The following CHCHD3 variants were observed in gnomAD, a reference collection of about 807,000 sequenced individuals.
The protein encoded by CHCHD3 is MICOS complex subunit MIC19.
A neutral mutation model predicts 38.2 loss-of-function variants in CHCHD3; 20 were observed. The observed-to-expected ratio is 0.52, with a 90% confidence interval of 0.37 to 0.76. CHCHD3 has a LOEUF of 0.76. Among genes scored for constraint, CHCHD3 ranks in the 30% least tolerant of loss-of-function variants. CHCHD3 has a pLI of 0.00. For synonymous variants in CHCHD3, 82 were observed against 100.0 expected, an observed-to-expected ratio of 0.82 and a Z score of 1.07; for missense variants, 245 against 279.2, an observed-to-expected ratio of 0.88 and a Z score of 0.87.
At chr7:132,886,629 T>C (rs1366238988) in intron 4 of CHCHD3, among the ~76,000 whole-genome samples, 2 of 151,430 alleles carry the variant, frequency 1.3e-5, no homozygotes, top group Non-Finnish European at 3.0e-5. Flanking sequence ...AAAGTGTGTG[T>C]GTGTATATAT....
intron 5 of CHCHD3, among the ~76,000 whole-genome samples, chr7:132,857,026 A>G (rs1808357481): frequency 6.6e-6 from 1 of 152,186 alleles, no homozygotes; most frequent in Non-Finnish European, 1.5e-5. Context: ...GAGGAGCTGC[A>G]ATGTTATTTC....
At chr7:132,975,547 GTTC>G (rs766040183) in intron 3 of CHCHD3, among the ~76,000 whole-genome samples, 4 of 152,112 alleles carry the variant, frequency 2.6e-5, no homozygotes, top group Non-Finnish European at 5.9e-5. Flanking sequence ...GTTTTACAAA[GTTC>G]TTCTTATGTA....
intron 4 of CHCHD3, among the ~76,000 whole-genome samples, chr7:132,928,390 G>C (rs919029561): frequency 6.6e-6 from 1 of 152,198 alleles, no homozygotes; most frequent in Admixed American, 6.5e-5. Flanking sequence ...GGCTGTCTTA[G>C]CCTCCTACTC....
intron 3 of CHCHD3, among the ~76,000 whole-genome samples, chr7:133,002,372 A>C (rs1812597249): frequency 6.6e-6 from 1 of 152,148 alleles, no homozygotes. Flanking sequence ...CAGATTACTA[A>C]GAGACAAAGC....
intron 1 of CHCHD3, 47 bp downstream of exon 1, chr7:133,081,810 G>A (rs752485714): frequency 7.8e-6 from 12 of 1,537,442 alleles, no homozygotes; most frequent in South Asian, 6.0e-5. Context: ...TGGGGCCTTG[G>A]GGTCCGAGTC....
chr7:132,842,395 G>A (rs953641949), intron 5 of CHCHD3, among the ~76,000 whole-genome samples: 2 of 152,058 alleles, frequency 1.3e-5, no homozygotes, highest in Non-Finnish European at 2.9e-5. Context: ...CCTTCACCTA[G>A]GTTCCCCTTA....
chr7:132,838,880 A>T (rs947569219), intron 5 of CHCHD3, among the ~76,000 whole-genome samples: 8 of 152,170 alleles, frequency 5.3e-5, no homozygotes, highest in South Asian at 2.1e-4. Context: ...GATATTAAAG[A>T]TCATTTCTTT....
At chr7:132,882,461 CTATATATATATATATATATATA>C (rs71178065) in intron 5 of CHCHD3, among the ~76,000 whole-genome samples, 12 of 135,000 alleles carry the variant, frequency 8.9e-5, no homozygotes, top group Non-Finnish European at 9.7e-5. Context: ...ACAATATATT[CTATATATATATATATATATATA>C]TATATATATA....
At chr7:132,929,320 G>A (rs1810461956) in intron 4 of CHCHD3, among the ~76,000 whole-genome samples, 1 of 151,564 alleles carries the variant, frequency 6.6e-6, no homozygotes, top group Non-Finnish European at 1.5e-5. Flanking sequence ...TCTCTCTTTT[G>A]TTGGCTGCTT....
At chr7:132,988,310 C>T (rs1005582063) in intron 3 of CHCHD3, among the ~76,000 whole-genome samples, 14 of 151,786 alleles carry the variant, frequency 9.2e-5, no homozygotes, top group African/African-American at 3.1e-4. Context: ...CCCACACACA[C>T]ACACACCCAC....
chr7:133,074,684 GA>G (rs1476099304), intron 1 of CHCHD3, among the ~76,000 whole-genome samples: 1 of 151,724 alleles, frequency 6.6e-6, no homozygotes, highest in African/African-American at 2.4e-5. Context: ...TCTTAAAGAG[GA>G]AAAAATAAGC....
At position 132,839,561 on chromosome 7, in the gene CHCHD3, C is replaced by A. The variant is rs115861940; in HGVS notation, c.454-1092G>T. On this transcript the variant is annotated intron_variant, in intron 5 of 7. Coordinates refer to ENST00000262570, the MANE Select transcript of CHCHD3 (RefSeq NM_017812.4). Reference sequence around the variant, plus strand: ...CAAAACACCACCACAATACGGTAGTCTATTGTGTACCTTTCATTCTCTAAT... The same window carrying A: ...CAAAACACCACCACAATACGGTAGTATATTGTGTACCTTTCATTCTCTAAT... Among the ~76,000 whole-genome samples, 1,278 of 152,330 alleles carry A rather than the reference C, an allele frequency of 8.4e-3. 18 individuals carry two copies. Among genetic ancestry groups the A allele is most frequent in the African/African-American group, 0.029 (1,218 of 41,580 alleles).
intron 2 of CHCHD3, among the ~76,000 whole-genome samples, chr7:133,046,720 A>G (rs1813997799): frequency 6.6e-6 from 1 of 151,584 alleles, no homozygotes. Flanking sequence ...CCGCCACCAC[A>G]CCCGGCTAAT....
At chr7:132,995,866 A>G (rs76783759) in intron 3 of CHCHD3, among the ~76,000 whole-genome samples, 2,640 of 152,318 alleles carry the variant, frequency 0.017, 81 homozygotes, top group African/African-American at 0.06. Flanking sequence ...CAATAATATT[A>G]TAATAGCTAC....
chr7:133,011,451 T>A (rs781267664), intron 3 of CHCHD3, among the ~76,000 whole-genome samples: 8 of 152,226 alleles, frequency 5.3e-5, no homozygotes, highest in African/African-American at 1.9e-4. Flanking sequence ...CGGAGCTATA[T>A]CAACATTTTG....
At chr7:132,862,589 TTAAA>T (rs1394524028) in intron 5 of CHCHD3, among the ~76,000 whole-genome samples, 3 of 152,218 alleles carry the variant, frequency 2.0e-5, no homozygotes, top group African/African-American at 7.2e-5. Context: ...TGACAATTTC[TTAAA>T]TAAGACAACA....
intron 1 of CHCHD3, among the ~76,000 whole-genome samples, chr7:133,081,558 G>A (rs1815171291): frequency 1.3e-5 from 2 of 152,152 alleles, no homozygotes; most frequent in African/African-American, 4.8e-5. Flanking sequence ...TTTCAAATAC[G>A]GTCCTGCAAC....
At position 132,997,655 on chromosome 7, in the gene CHCHD3, G is replaced by T. The variant is rs528095254; in HGVS notation, c.252-22369C>A. Among the ~76,000 whole-genome samples the T allele has an allele frequency of 1.5e-4, 15 of 103,360 alleles. No individual in the cohort carries two copies. In the East Asian group the frequency reaches 4.6e-3, roughly 32 times the overall value. 67.8% of individuals were successfully genotyped at this position (103,360 alleles called of 152,430 possible). ...ATGGCTTCTCACTGTAACTAACAGG[G>T]TTGTAAAAAAAAAAAAAAAAAAAAA... On this transcript the variant is annotated intron_variant, in intron 3 of 7. Transcript: ENST00000262570.
Position 132,972,682 on chromosome 7 carries a change from G to A in CHCHD3, c.369+2487C>T, listed in dbSNP as rs1051311573. ...CAAATGTCTGACAACACTCTGGGAA[G>A]GAAGGGACTCTCTCAATCAGCTGTC... On this transcript the variant is annotated intron_variant, in intron 4 of 7. Coordinates refer to ENST00000262570, the MANE Select transcript of CHCHD3 (RefSeq NM_017812.4). 4.6e-5 allele frequency: 45 copies of A among 985,292 alleles called. No homozygotes were observed. In the African/African-American group the frequency reaches 7.0e-4, roughly 15 times the overall value. The allele number at this position is 985,292 out of a possible 1,614,324, so 61.0% of individuals were successfully genotyped here.
Sources: gnomAD v4.1 joint callset for allele counts (sites outside exome capture counted in the v4.1 genomes callset) on GRCh38, gnomAD v4.1.1 for gene constraint, MANE v1.5 for transcripts, NCBI Gene and HGNC (gene_info 2026-07-23, HGNC 2026-07-21) for gene names.